The following EPB41L4A variants were observed in gnomAD, a reference collection of about 807,000 sequenced individuals.
EPB41L4A encodes band 4.1-like protein 4A.
Under a neutral mutation model 108.6 loss-of-function variants are expected in EPB41L4A, and 100 were observed. The observed-to-expected ratio is 0.92, with a 90% CI of 0.78 to 1.09. The LOEUF (loss-of-function observed/expected upper bound fraction) is 1.09. Ranked by LOEUF, EPB41L4A falls within the 50% of genes least tolerant of loss-of-function variation. The pLI is 0.00. For missense variants in EPB41L4A, 1,030 were observed against 842.7 expected (o/e 1.22, Z -2.75); for synonymous variants, 319 against 289.0 (o/e 1.10, Z -1.05).
chr5:112,207,870 C>G (rs1281302058), intron 13 of EPB41L4A, among the ~76,000 whole-genome samples: 1 of 152,108 alleles, frequency 6.6e-6, no homozygotes, highest in African/African-American at 2.4e-5. Context: ...GGAGATTTCT[C>G]AAAGAACTTA....
At position 112,239,696 on chromosome 5, in the gene EPB41L4A, C is replaced by T; in HGVS notation, c.929G>A (p.Ser310Asn). The T allele has an allele frequency of 4.3e-6, 7 of 1,609,548 alleles. No individual in the cohort carries two copies. The highest frequency in any genetic ancestry group is 4.5e-5 in the East Asian group (2 of 44,612). ...CTTATAACGTATGGATCCAAACTTG[C>T]TGAGTTTTCTTGACAGTGAATTGGA... ...NESNSLSRKL[S>N]KFGSIRYKHR... The change falls in exon 11 of 23, where the codon AGC becomes AAC. Residue 310 changes from serine to asparagine, a missense_variant. By Grantham distance (46) the Ser-to-Asn change is conservative. Transcript: ENST00000261486.
intron 12 of EPB41L4A, chr5:112,210,285 T>G (rs966887325): frequency 2.6e-5 from 5 of 193,974 alleles, no homozygotes; most frequent in Non-Finnish European, 5.2e-5. Context: ...AAAATGATAT[T>G]CTGAGATATT....
chr5:112,373,149 G>A (rs1759599364), intron 1 of EPB41L4A, among the ~76,000 whole-genome samples: 1 of 152,180 alleles, frequency 6.6e-6, no homozygotes, highest in African/African-American at 2.4e-5. Context: ...CTCAATAAAG[G>A]AAGGCAAGTG....
intron 12 of EPB41L4A, among the ~76,000 whole-genome samples, chr5:112,151,365 A>G (rs940149189): frequency 2.1e-5 from 3 of 142,026 alleles, no homozygotes; most frequent in African/African-American, 8.5e-5. Context: ...TTTTTTATTC[A>G]AGAAGAGGAT....
At chr5:112,344,949 AC>A (rs1757544514) in intron 1 of EPB41L4A, among the ~76,000 whole-genome samples, 1 of 152,238 alleles carries the variant, frequency 6.6e-6, no homozygotes. Flanking sequence ...AAATATCTTA[AC>A]ATAGTGCCTG....
At chr5:112,270,929 C>T (rs1465272527) in intron 4 of EPB41L4A, among the ~76,000 whole-genome samples, 1 of 152,160 alleles carries the variant, frequency 6.6e-6, no homozygotes. Context: ...TCATCTGGAA[C>T]TAACATTATT....
intron 1 of EPB41L4A, among the ~76,000 whole-genome samples, chr5:112,319,429 C>T (rs1392450114): frequency 6.6e-6 from 1 of 152,056 alleles, no homozygotes; most frequent in African/African-American, 2.4e-5. Context: ...AGAAAACTAC[C>T]ATCATTAAGT....
At chr5:112,158,336 G>C, downstream of EPB41L4A, 18 of 267,830 alleles carry the variant, frequency 6.7e-5, no homozygotes, top group South Asian at 6.7e-4. Context: ...ACAATGCTAC[G>C]TGATTCCACA....
At chr5:112,235,807 AAAGATG>A (rs1749288808) in intron 11 of EPB41L4A, among the ~76,000 whole-genome samples, 1 of 152,154 alleles carries the variant, frequency 6.6e-6, no homozygotes, top group Non-Finnish European at 1.5e-5. Context: ...CCAGGGGAAT[AAAGATG>A]CCAGGGCGCA....
chr5:112,339,683 G>A lies in EPB41L4A; in HGVS notation c.100-32193C>T, dbSNP rs952103754. Reference sequence around the variant, plus strand: ...TGAGTACCTGGGATTACAGGCACACGTCACCATGCCCAGTTAATGTTTTTG... The same window carrying A: ...TGAGTACCTGGGATTACAGGCACACATCACCATGCCCAGTTAATGTTTTTG... On this transcript the variant is annotated intron_variant, in intron 1 of 22. Transcript: ENST00000261486. Among the ~76,000 whole-genome samples, 39 of 151,510 alleles carry A rather than the reference G, an allele frequency of 2.6e-4. No individual in the cohort carries two copies. The South Asian group carries it at 5.0e-3, about 19-fold the overall frequency.
intron 13 of EPB41L4A, among the ~76,000 whole-genome samples, chr5:112,207,258 C>G (rs1053683263): frequency 2.0e-5 from 3 of 152,182 alleles, no homozygotes; most frequent in African/African-American, 7.2e-5. Context: ...CTTCCTTTTA[C>G]TATATTCAAA....
chr5:112,354,377 T>C (rs945041643), intron 1 of EPB41L4A, among the ~76,000 whole-genome samples: 6 of 151,960 alleles, frequency 3.9e-5, no homozygotes, highest in African/African-American at 1.2e-4. Context: ...AGTAAAATAA[T>C]GCAATAAGTA....
At chr5:112,390,197 G>C (rs1330146452) in intron 1 of EPB41L4A, among the ~76,000 whole-genome samples, 4 of 152,182 alleles carry the variant, frequency 2.6e-5, no homozygotes, top group Admixed American at 6.5e-5. Flanking sequence ...GGACTGGTTG[G>C]ACAGTGGGTG....
At position 112,240,721 on chromosome 5, in the gene EPB41L4A, A is replaced by T. The variant is rs1749721500; in HGVS notation, c.885T>A (p.Phe295Leu). ...ACAAAATTTTTACATCAATTTACCTAAAAAATGTATGATGTTCCACACTGC... is the reference window on the plus strand; with the variant it reads ...ACAAAATTTTTACATCAATTTACCTTAAAAATGTATGATGTTCCACACTGC... ...WKCSVEHHTF[F>L]RMPENESNSL... Residue 295 changes from phenylalanine to leucine, a missense_variant and splice_region_variant, in exon 10 of 23, where the codon TTT becomes TTA. Phe to Leu is a conservative substitution (Grantham distance 22). Coordinates refer to ENST00000261486, the MANE Select transcript of EPB41L4A (RefSeq NM_022140.5). 3 of 1,525,144 alleles carry T rather than the reference A, an allele frequency of 2.0e-6. No individual in the cohort carries two copies. The highest frequency in any genetic ancestry group is 2.5e-5 in the Admixed American group (1 of 40,250). 94.5% of individuals were successfully genotyped at this position (1,525,144 alleles called of 1,614,324 possible).
Position 112,319,388 on chromosome 5 carries a change from A to G in EPB41L4A, c.100-11898T>C, listed in dbSNP as rs530828499. Among the ~76,000 whole-genome samples the G allele has an allele frequency of 1.7e-4, 26 of 152,350 alleles. No homozygotes were observed. The South Asian group carries it at 3.7e-3, about 22-fold the overall frequency. On this transcript the variant is annotated intron_variant, in intron 1 of 22. Transcript: ENST00000261486. ...AAATGTGTCCTTACAATAAAATGCCAACTAATAAATGTAGAAGGAATGACA... is the reference window on the plus strand; with the variant it reads ...AAATGTGTCCTTACAATAAAATGCCGACTAATAAATGTAGAAGGAATGACA...
chr5:112,391,548 A>G (rs1760942581), intron 1 of EPB41L4A, among the ~76,000 whole-genome samples: 1 of 152,194 alleles, frequency 6.6e-6, no homozygotes, highest in African/African-American at 2.4e-5. Context: ...GTAAAAAGAA[A>G]CGAACAAAGC....
At chr5:112,269,875 C>T (rs1752139077) in intron 4 of EPB41L4A, among the ~76,000 whole-genome samples, 1 of 152,154 alleles carries the variant, frequency 6.6e-6, no homozygotes, top group South Asian at 2.1e-4. Context: ...ATATGCACTG[C>T]CCCTGAGATT....
chr5:112,335,345 T>A (rs1429052706), intron 1 of EPB41L4A, among the ~76,000 whole-genome samples: 1 of 152,172 alleles, frequency 6.6e-6, no homozygotes, highest in Non-Finnish European at 1.5e-5. Flanking sequence ...GATTAATCGA[T>A]TTAACAGAAA....
chr5:112,151,823 C>T (rs1406598718), intron 12 of EPB41L4A, among the ~76,000 whole-genome samples: 4 of 152,040 alleles, frequency 2.6e-5, no homozygotes, highest in Admixed American at 6.6e-5. Flanking sequence ...CTCCGCCTCC[C>T]GGATTCAAGC....
Sources: allele counts gnomAD v4.1 joint callset (sites outside exome capture counted in the v4.1 genomes callset), GRCh38; gene constraint gnomAD v4.1.1; transcripts MANE v1.5; gene names NCBI Gene and HGNC (gene_info 2026-07-23, HGNC 2026-07-21).